Variants in FBRSL1 observed in about 807,000 individuals in gnomAD.
FBRSL1 encodes the protein fibrosin like 1.
Under a neutral mutation model 89.6 loss-of-function variants are expected in FBRSL1, and 51 were observed. The observed-to-expected ratio is 0.57, with a 90% CI of 0.45 to 0.72. FBRSL1 has a LOEUF of 0.72. Among genes scored for constraint, FBRSL1 ranks in the 30% least tolerant of loss-of-function variants. The pLI is 0.00. For synonymous variants in FBRSL1, 779 were observed against 681.1 expected (o/e 1.14, Z -2.24); for missense variants, 1,618 against 1,451.8 (o/e 1.11, Z -1.86).
chr12:132,574,034 C>A (rs1034416198), intron 11 of FBRSL1, 56 bp from the exon 12 acceptor site: 2 of 1,148,106 alleles, frequency 1.7e-6, no homozygotes, highest in Non-Finnish European at 2.2e-6. Flanking sequence ...AAGCCCGAGG[C>A]GTCCTCCTGC....
intron 1 of FBRSL1, among the ~76,000 whole-genome samples, chr12:132,503,205 G>A (rs917152753): frequency 7.2e-6 from 1 of 139,172 alleles, no homozygotes. Context: ...AGCCAGCCCC[G>A]AGAGGCAGCA....
In FBRSL1 at chr12:132,511,890, G is replaced by T; in HGVS notation, c.489+3540G>T. On this transcript the variant is annotated intron_variant, in intron 2 of 18. Coordinates refer to ENST00000680143, the MANE Select transcript of FBRSL1 (RefSeq NM_001367871.1). ...CTCACCTGGGGCCTCCATCCCAGAA[G>T]CGCAGGGCTTATTTTTCTGATTAAA... The T allele has an allele frequency of 4.1e-6, 4 of 969,898 alleles. No individual in the cohort carries two copies. In the South Asian group the frequency reaches 2.0e-4, roughly 48 times the overall value. 60.1% of individuals were successfully genotyped at this position (969,898 alleles called of 1,614,324 possible).
intron 4 of FBRSL1, among the ~76,000 whole-genome samples, chr12:132,540,668 T>C (rs2037182110): frequency 1.3e-5 from 2 of 152,114 alleles, no homozygotes; most frequent in Admixed American, 1.3e-4. Context: ...ACCTGTGGTG[T>C]GTGTGGCGCC....
intron 2 of FBRSL1, chr12:132,511,647 G>C: frequency 1.0e-6 from 1 of 985,554 alleles, no homozygotes; most frequent in Non-Finnish European, 1.2e-6. Flanking sequence ...GGTCCTGCAG[G>C]CCTGGTCTTG....
chr12:132,506,038 C>T (rs1249410387), intron 1 of FBRSL1, among the ~76,000 whole-genome samples: 3 of 152,366 alleles, frequency 2.0e-5, no homozygotes, highest in Non-Finnish European at 4.4e-5. Flanking sequence ...CTCTCCTCCT[C>T]GGTGTGGGCA....
At chr12:132,567,773 C>G (rs577576304) in intron 6 of FBRSL1, among the ~76,000 whole-genome samples, 2 of 152,142 alleles carry the variant, frequency 1.3e-5, no homozygotes, top group African/African-American at 2.4e-5. Flanking sequence ...AGAGTGGAAC[C>G]GTTAGGAATG....
Position 132,570,130 on chromosome 12 carries a change from C to A in FBRSL1, c.896C>A (p.Pro299Gln). ...CCCCCCGCCCCGCACCGCCACACCC[C>A]GCAGCCGCCACCCCCGCAGCCCCGC... ...KEPPAPHRHTPQPPPPQPRGL... is the reference protein window; with the variant it reads ...KEPPAPHRHTQQPPPPQPRGL... Residue 299 changes from proline (P) to glutamine (Q), a missense_variant, in exon 7 of 19, where the codon CCG becomes CAG. Pro to Gln is a moderately conservative substitution (Grantham distance 76). Coordinates refer to ENST00000680143, the MANE Select transcript of FBRSL1 (RefSeq NM_001367871.1). 6.8e-7 allele frequency: 1 copy of A among 1,478,352 alleles called. No individual in the cohort carries two copies. Among genetic ancestry groups the A allele is most frequent in the South Asian group, 1.3e-5 (1 of 77,716 alleles). 91.6% of individuals were successfully genotyped at this position (1,478,352 alleles called of 1,614,324 possible).
intron 5 of FBRSL1, 121 bp downstream of exon 5, chr12:132,548,153 G>A (rs575871358): frequency 1.6e-5 from 19 of 1,223,342 alleles, no homozygotes; most frequent in Admixed American, 8.5e-5. Flanking sequence ...GGATCCCCCC[G>A]CCCGGTGGGT....
In FBRSL1 at chr12:132,541,245, A is replaced by G. The variant is rs1000173350; in HGVS notation, c.616-6758A>G. ...AGCCTGGGGGGCACAGCCCCACACC[A>G]CACCCCTACCCTGAGGCACGTCAGG... is the stretch of plus-strand genomic sequence containing the variant. On this transcript the variant is annotated intron_variant, in intron 4 of 18. Transcript: ENST00000680143. Among the ~76,000 whole-genome samples, 6 of 151,936 alleles carry G rather than the reference A, an allele frequency of 3.9e-5. 2 individuals are homozygous for G.
rs1302513461 is a variant in FBRSL1 at position 132,583,142 on chromosome 12, G to A, written c.2373G>A (p.Glu791=). 6.8e-7 allele frequency: 1 copy of A among 1,465,174 alleles called. No individual in the cohort carries two copies. Among genetic ancestry groups the A allele is most frequent in the Admixed American group, 2.4e-5 (1 of 42,448 alleles). 90.8% of individuals were successfully genotyped at this position (1,465,174 alleles called of 1,614,324 possible). ...AGGAGAGCCGCTCCCCGGCCAAGGA[G>A]GAGGCCGCCAAGATGCCCGCGCGCG... ...RVKESRSPAK[E]EAAKMPARAS... Residue 791 remains glutamate, a synonymous_variant, in exon 19 of 19, where the codon GAG becomes GAA. Coordinates refer to ENST00000680143, the MANE Select transcript of FBRSL1 (RefSeq NM_001367871.1).
Position 132,583,324 on chromosome 12 carries a change from G to T in FBRSL1, c.2555G>T (p.Trp852Leu), listed in dbSNP as rs1355524562. ...CGCCTGGGCGCGCCGGGCTTCGCGTGGGAGCCTTTCCGCGGCCTGGAGCTG... is the reference window on the plus strand; with the variant it reads ...CGCCTGGGCGCGCCGGGCTTCGCGTTGGAGCCTTTCCGCGGCCTGGAGCTG... ...RERLGAPGFAWEPFRGLELPR... is the reference protein window; with the variant it reads ...RERLGAPGFALEPFRGLELPR... The change falls in exon 19 of 19, where the codon TGG becomes TTG. Residue 852 changes from tryptophan to leucine, a missense_variant. Coordinates refer to ENST00000680143, the MANE Select transcript of FBRSL1 (RefSeq NM_001367871.1). The T allele has an allele frequency of 1.4e-5, 17 of 1,191,076 alleles. No homozygotes were observed. The highest frequency in any genetic ancestry group is 4.7e-5 in the Admixed American group (1 of 21,178). The allele number at this position is 1,191,076 out of a possible 1,614,324, so 73.8% of individuals were successfully genotyped here.
Position 132,582,199 on chromosome 12 carries a change from G to A in FBRSL1, c.2134G>A (p.Ala712Thr). ...GCCCCCGTGGCCCAAGTCCGTGGACGCGGAGCGGGTGTCAGCCCTGACCAA... is the reference window on the plus strand; with the variant it reads ...GCCCCCGTGGCCCAAGTCCGTGGACACGGAGCGGGTGTCAGCCCTGACCAA... ...APPPWPKSVD[A>T]ERVSALTNHD... Residue 712 changes from alanine to threonine, a missense_variant, in exon 18 of 19, where the codon GCG becomes ACG. Coordinates refer to ENST00000680143, the MANE Select transcript of FBRSL1 (RefSeq NM_001367871.1). 1.2e-5 allele frequency: 18 copies of A among 1,550,174 alleles called. No homozygotes were observed. The highest frequency in any genetic ancestry group is 1.4e-5 in the Non-Finnish European group (16 of 1,146,866).
chr12:132,508,005 C>CT, intron 1 of FBRSL1, 148 bp from the exon 2 acceptor site: 1 of 765,874 alleles, frequency 1.3e-6, no homozygotes, highest in East Asian at 2.8e-5. Context: ...TCCCATCCCC[C>CT]GTCCCACAGC....
rs1393362679 is a variant in FBRSL1, at chr12:132,570,521, C to A, written c.1194C>A (p.Val398=). The A allele has an allele frequency of 6.6e-7, 1 of 1,516,760 alleles. No individual in the cohort carries two copies. The highest frequency in any genetic ancestry group is 1.4e-5 in the African/African-American group (1 of 71,672). The allele number at this position is 1,516,760 out of a possible 1,614,324, so 94.0% of individuals were successfully genotyped here. A position where few individuals can be genotyped will look rare whatever the true frequency, so the allele number is the denominator to read the frequency against. Residue 398 remains valine, a synonymous_variant, in exon 8 of 19, where the codon GTC becomes GTA. Transcript: ENST00000680143. ...CGGCGCTGCCGGCCAGCAGCCTGGT[C>A]CTCCCAGGACACCCGGCCGGTAGGT... ...PPPALPASSL[V]LPGHPADASL...
chr12:132,522,479 C>T (rs188283533), intron 2 of FBRSL1, among the ~76,000 whole-genome samples: 569 of 152,314 alleles, frequency 3.7e-3, no homozygotes, highest in African/African-American at 0.013. Flanking sequence ...GTCCCACCAG[C>T]GGCTGGTCTG....
intron 4 of FBRSL1, among the ~76,000 whole-genome samples, chr12:132,542,275 CAT>C (rs568830596): frequency 3.1e-3 from 471 of 152,346 alleles, no homozygotes; most frequent in African/African-American, 0.011. Context: ...ACGGAGGACA[CAT>C]GTGCACACTC....
chr12:132,495,731 C>T (rs970687898), intron 1 of FBRSL1, among the ~76,000 whole-genome samples: 4 of 152,234 alleles, frequency 2.6e-5, no homozygotes, highest in South Asian at 2.1e-4. Context: ...CTGCTCCCTC[C>T]GGGGAGGTGG....
Position 132,567,487 on chromosome 12 carries a change from G to A in FBRSL1, c.652G>A (p.Val218Met), listed in dbSNP as rs776032163. ...SESGPDDKAS[V>M]GSEKLFAPGT... is the part of the protein sequence containing the mutation. Reference sequence around the variant, plus strand: ...CCCCCTTCTCTCTCTCCAGGCATCCGTGGGCTCTGAGAAGCTCTTTGCGCC... The same window carrying A: ...CCCCCTTCTCTCTCTCCAGGCATCCATGGGCTCTGAGAAGCTCTTTGCGCC... Residue 218 changes from valine (V) to methionine (M), a missense_variant, in exon 6 of 19, where the codon GTG becomes ATG. Transcript: ENST00000680143. 8 of 1,551,110 alleles carry A rather than the reference G, an allele frequency of 5.2e-6. No individual in the cohort carries two copies. The highest frequency in any genetic ancestry group is 1.2e-5 in the South Asian group (1 of 84,064).
chr12:132,510,146 A>G (rs1345706169), intron 2 of FBRSL1: 3 of 1,222,910 alleles, frequency 2.5e-6, no homozygotes, highest in African/African-American at 3.2e-5. Context: ...TCATGGGCCC[A>G]GAGCAGCCCT....
Sources: allele counts gnomAD v4.1 joint callset (sites outside exome capture counted in the v4.1 genomes callset), GRCh38; gene constraint gnomAD v4.1.1; transcripts MANE v1.5; gene names NCBI Gene and HGNC (gene_info 2026-07-23, HGNC 2026-07-21).